Variants in TCF4 observed in about 807,000 individuals in gnomAD.
TCF4 encodes the protein transcription factor 4.
TCF4 carries 3 observed loss-of-function variants against 82.1 expected under a neutral mutation model. The ratio of observed to expected loss-of-function variants is 0.04; its 90% CI spans 0.02 to 0.09. The LOEUF is 0.09. TCF4 is among the 10% of genes least tolerant of loss of function. TCF4 has a pLI of 1.00. For missense variants in TCF4, 518 were observed against 852.7 expected (o/e 0.61, Z 4.89); for synonymous variants, 276 against 309.6 (o/e 0.89, Z 1.14).
At chr18:55,445,090 C>T (rs950410847) in intron 5 of TCF4, among the ~76,000 whole-genome samples, 1 of 152,186 alleles carries the variant, frequency 6.6e-6, no homozygotes, top group Admixed American at 6.5e-5. Flanking sequence ...CTCAAGTTGC[C>T]TCCTATTCAC....
At chr18:55,587,801 G>T (rs1179090513) in intron 1 of TCF4, among the ~76,000 whole-genome samples, 1 of 146,518 alleles carries the variant, frequency 6.8e-6, no homozygotes, top group South Asian at 2.2e-4. Flanking sequence ...AAAAATTAAA[G>T]TCAGGCCCCT....
At chr18:55,609,487 G>A (rs1157931357) in intron 2 of TCF4, among the ~76,000 whole-genome samples, 2 of 152,170 alleles carry the variant, frequency 1.3e-5, no homozygotes. Context: ...TTCAGGCTCT[G>A]AGCAAAGGTG....
chr18:55,615,401 T>C (rs1460110382), intron 2 of TCF4, among the ~76,000 whole-genome samples: 2 of 152,058 alleles, frequency 1.3e-5, no homozygotes, highest in African/African-American at 4.8e-5. Context: ...ATCCTGAACC[T>C]GGCTAAACTC....
chr18:55,574,356 G>T (rs2097506857), intron 3 of TCF4, among the ~76,000 whole-genome samples: 1 of 151,980 alleles, frequency 6.6e-6, no homozygotes, highest in South Asian at 2.1e-4. Flanking sequence ...ACAGAGTCTT[G>T]CTCTGTCGCC....
At chr18:55,485,449 A>G (rs1206230522) in intron 3 of TCF4, among the ~76,000 whole-genome samples, 1 of 152,078 alleles carries the variant, frequency 6.6e-6, no homozygotes, top group Non-Finnish European at 1.5e-5. Context: ...TCTCCTGGCC[A>G]CTCATTTTTG....
intron 15 of TCF4, among the ~76,000 whole-genome samples, chr18:55,252,737 G>T (rs1167214200): frequency 6.6e-6 from 1 of 152,262 alleles, no homozygotes; most frequent in Admixed American, 6.5e-5. Context: ...AATGAACACA[G>T]CTACAGAAAT....
intron 1 of TCF4, among the ~76,000 whole-genome samples, chr18:55,632,982 G>A (rs540220921): frequency 1.3e-5 from 2 of 152,218 alleles, no homozygotes; most frequent in South Asian, 4.1e-4. Flanking sequence ...GGTCCAGGCT[G>A]TGGTTGTATA....
intron 6 of TCF4, among the ~76,000 whole-genome samples, chr18:55,382,759 T>C (rs1420720614): frequency 6.6e-6 from 1 of 152,246 alleles, no homozygotes; most frequent in Non-Finnish European, 1.5e-5. Context: ...TCTGTATTTA[T>C]TATTCCCTTC....
chr18:55,227,309 A>G lies in TCF4; in HGVS notation c.*726T>C, dbSNP rs781564405. ...TCTTTTAAAAAAGTTAATCAGTACT[A>G]TTTTTTTACAGGAGAAAAAAGTCTG... On this transcript the variant is annotated 3_prime_UTR_variant, in exon 20 of 20. Coordinates refer to ENST00000354452, the MANE Select transcript of TCF4 (RefSeq NM_001083962.2). 5.4e-4 allele frequency: 81 copies of G among 150,916 alleles called. No individual in the cohort carries two copies. The highest frequency in any genetic ancestry group is 9.6e-4 in the Non-Finnish European group (65 of 67,732). 9.3% of individuals were successfully genotyped at this position (150,916 alleles called of 1,614,324 possible). A position where few individuals can be genotyped will look rare whatever the true frequency, so the allele number is the denominator to read the frequency against.
intron 3 of TCF4, among the ~76,000 whole-genome samples, chr18:55,480,642 T>G (rs1238891837): frequency 2.0e-5 from 3 of 152,222 alleles, no homozygotes; most frequent in Non-Finnish European, 4.4e-5. Context: ...ATTTTTCATG[T>G]CACCTTGTGT....
At chr18:55,296,727 A>G (rs926719240) in intron 8 of TCF4, among the ~76,000 whole-genome samples, 1 of 152,238 alleles carries the variant, frequency 6.6e-6, no homozygotes, top group African/African-American at 2.4e-5. Flanking sequence ...GTCTGAGGTG[A>G]ACAAACCAGG....
At chr18:55,589,501 C>T (rs2097679366), upstream of TCF4, 11 of 1,052,348 alleles carry the variant, frequency 1.0e-5, no homozygotes, top group South Asian at 5.0e-4. Context: ...CATAAAACTG[C>T]AACAAAATTC....
intron 8 of TCF4, among the ~76,000 whole-genome samples, chr18:55,293,460 C>T (rs1601655415): frequency 6.6e-6 from 1 of 152,022 alleles, no homozygotes; most frequent in Non-Finnish European, 1.5e-5. Context: ...TGATTTTTCC[C>T]TCATTGCCAA....
At position 55,444,266 on chromosome 18, in the gene TCF4, G is replaced by A. The variant is rs147391422; in HGVS notation, c.304+16753C>T. ...ACCACAAGCTCCATTTTCAGTCAAT[G>A]TTAAAATATGAATGTATACATGGAA... On this transcript the variant is annotated intron_variant, in intron 5 of 19. Transcript: ENST00000354452. Among the ~76,000 whole-genome samples the A allele has an allele frequency of 5.5e-4, 84 of 152,290 alleles. 1 individual carries two copies. Among genetic ancestry groups the A allele is most frequent in the Middle Eastern group, 3.4e-3 (1 of 294 alleles).
At chr18:55,367,639 C>T (rs2087580337) in intron 6 of TCF4, among the ~76,000 whole-genome samples, 1 of 152,162 alleles carries the variant, frequency 6.6e-6, no homozygotes, top group South Asian at 2.1e-4. Context: ...AATCAACGTC[C>T]TCCTCATTTA....
At chr18:55,402,098 T>C in intron 6 of TCF4, 2 of 985,452 alleles carry the variant, frequency 2.0e-6, no homozygotes, top group Non-Finnish European at 2.4e-6. Context: ...TGTAAATTTC[T>C]TTCCTGCAGA....
At chr18:55,422,595 T>C in intron 5 of TCF4, 2 of 427,368 alleles carry the variant, frequency 4.7e-6, no homozygotes, top group Non-Finnish European at 6.2e-6. Flanking sequence ...CTCCCTACCA[T>C]TAATTTGCAT....
intron 8 of TCF4, among the ~76,000 whole-genome samples, chr18:55,326,472 G>C (rs1027953152): frequency 4.2e-5 from 6 of 141,500 alleles, no homozygotes; most frequent in Non-Finnish European, 9.2e-5. Context: ...TGCTAAAATG[G>C]AAAAAAGAAT....
At chr18:55,371,539 T>C (rs2089180183) in intron 6 of TCF4, among the ~76,000 whole-genome samples, 1 of 152,130 alleles carries the variant, frequency 6.6e-6, no homozygotes, top group Admixed American at 6.5e-5. Flanking sequence ...AAGGAAGCTT[T>C]GTTTGTTCAT....
Sources: gnomAD v4.1 joint callset for allele counts (sites outside exome capture counted in the v4.1 genomes callset) on GRCh38, gnomAD v4.1.1 for gene constraint, MANE v1.5 for transcripts, NCBI Gene and HGNC (gene_info 2026-07-23, HGNC 2026-07-21) for gene names.